Variants in IBTK observed in about 807,000 individuals in gnomAD.
The protein encoded by IBTK is BTK-binding protein.
A neutral mutation model predicts 154.9 loss-of-function variants in IBTK; 83 were observed. The observed-to-expected ratio is 0.54, with a 90% CI of 0.45 to 0.64. The LOEUF is 0.64. IBTK is among the 30% of genes least tolerant of loss of function. IBTK has a pLI of 0.00. For synonymous variants in IBTK, 515 were observed against 536.1 expected, an observed-to-expected ratio of 0.96 and a Z score of 0.54; for missense variants, 1,332 against 1,584.6, an observed-to-expected ratio of 0.84 and a Z score of 2.71.
intron 23 of IBTK, among the ~76,000 whole-genome samples, chr6:82,193,832 C>T (rs184312212): frequency 6.6e-6 from 1 of 152,146 alleles, no homozygotes; most frequent in Non-Finnish European, 1.5e-5. Context: ...CAAGTGCGTA[C>T]CACCACGCCT....
intron 26 of IBTK, 25 bp downstream of exon 26, chr6:82,181,854 A>T (rs758181381): frequency 6.9e-7 from 1 of 1,459,070 alleles, no homozygotes; most frequent in African/African-American, 1.4e-5. Context: ...TAGAAAATGT[A>T]TTAGTTTTAA....
In IBTK at chr6:82,231,853, A is replaced by T; in HGVS notation, c.419-11T>A. ...AAACATCTGTAGGATCTAAAATAAA[A>T]ATTAGTTTTTATACTTTTTTATATT... is the stretch of plus-strand genomic sequence containing the variant. On this transcript the variant is annotated splice_polypyrimidine_tract_variant and intron_variant, in intron 3 of 28. Coordinates refer to ENST00000306270, the MANE Select transcript of IBTK (RefSeq NM_015525.4). The T allele has an allele frequency of 6.6e-7, 1 of 1,505,866 alleles. No individual in the cohort carries two copies. Among genetic ancestry groups the T allele is most frequent in the Non-Finnish European group, 9.0e-7 (1 of 1,111,594 alleles). The allele number at this position is 1,505,866 out of a possible 1,614,324, so 93.3% of individuals were successfully genotyped here. A position where few individuals can be genotyped will look rare whatever the true frequency, so the allele number is the denominator to read the frequency against.
chr6:82,189,663 G>A (rs117616264), intron 25 of IBTK, among the ~76,000 whole-genome samples: 2,511 of 152,110 alleles, frequency 0.017, 27 homozygotes, highest in Non-Finnish European at 0.024. Flanking sequence ...GAAAAGACCC[G>A]GTTCAGATCA....
chr6:82,233,591 A>G (rs556272268), intron 3 of IBTK, among the ~76,000 whole-genome samples: 2 of 152,284 alleles, frequency 1.3e-5, no homozygotes, highest in African/African-American at 4.8e-5. Flanking sequence ...AACATATACC[A>G]AAGTAAAATT....
In IBTK at chr6:82,191,235, A is replaced by T; in HGVS notation, c.3432-19T>A. 6.3e-7 allele frequency: 1 copy of T among 1,590,076 alleles called. No homozygotes were observed. ...TGTTTTGCTAGAAATTAAACCAATTAGTTTCAGTGGTTTCTTCTGACAAAG... is the reference window on the plus strand; with the variant it reads ...TGTTTTGCTAGAAATTAAACCAATTTGTTTCAGTGGTTTCTTCTGACAAAG... On this transcript the variant is annotated intron_variant, in intron 24 of 28. Coordinates refer to ENST00000306270, the MANE Select transcript of IBTK (RefSeq NM_015525.4).
chr6:82,175,046 T>C (rs530912130), intron 26 of IBTK: 2 of 455,788 alleles, frequency 4.4e-6, no homozygotes, highest in Non-Finnish European at 4.4e-6. Context: ...TATTATTGTT[T>C]ACATGTCAAT....
chr6:82,240,987 G>A (rs1187890919), intron 1 of IBTK, 144 bp from the exon 2 acceptor site: 11 of 394,508 alleles, frequency 2.8e-5, no homozygotes, highest in Admixed American at 1.3e-4. Flanking sequence ...CTAAGCTTAC[G>A]GGAGTTATTT....
intron 1 of IBTK, among the ~76,000 whole-genome samples, chr6:82,246,935 C>T (rs879241663): frequency 6.6e-6 from 1 of 152,236 alleles, no homozygotes. Flanking sequence ...GTTTTATGAA[C>T]TACGTTGGAA....
At chr6:82,197,875 AC>A (rs1422565650) in intron 21 of IBTK, among the ~76,000 whole-genome samples, 1 of 152,078 alleles carries the variant, frequency 6.6e-6, no homozygotes, top group East Asian at 1.9e-4. Flanking sequence ...CTTTTACGCA[AC>A]TGTCTTTGAT....
At chr6:82,184,057 C>T (rs1335194258) in intron 25 of IBTK, among the ~76,000 whole-genome samples, 1 of 152,178 alleles carries the variant, frequency 6.6e-6, no homozygotes, top group African/African-American at 2.4e-5. Context: ...GTTACAGCAG[C>T]ACAAAATGAA....
intron 6 of IBTK, among the ~76,000 whole-genome samples, chr6:82,225,167 AG>A (rs1770247286): frequency 6.6e-6 from 1 of 150,486 alleles, no homozygotes; most frequent in African/African-American, 2.4e-5. Context: ...AAAATTAGCC[AG>A]GCATGGTGGT....
rs1428043262 is a variant in IBTK, at chr6:82,170,470, A to G, written c.*955T>C. 1.3e-5 allele frequency: 2 copies of G among 152,208 alleles called. No homozygotes were observed. The highest frequency in any genetic ancestry group is 4.8e-5 in the African/African-American group (2 of 41,454). The allele number at this position is 152,208 out of a possible 1,614,324, so 9.4% of individuals were successfully genotyped here. ...TAACATTTGTTTTTGCAAAATTTAA[A>G]CACTCAGAAACAAACCAAACAACAT... is the stretch of plus-strand genomic sequence containing the variant. On this transcript the variant is annotated 3_prime_UTR_variant, in exon 29 of 29. Coordinates refer to ENST00000306270, the MANE Select transcript of IBTK (RefSeq NM_015525.4).
intron 26 of IBTK, 128 bp from the exon 27 acceptor site, chr6:82,173,566 G>T: frequency 1.8e-6 from 1 of 567,978 alleles, no homozygotes; most frequent in Non-Finnish European, 3.1e-6. Context: ...GTGCAGTCAA[G>T]CTTACCTTTA....
At chr6:82,235,840 T>C (rs1770694780) in intron 2 of IBTK, among the ~76,000 whole-genome samples, 2 of 152,124 alleles carry the variant, frequency 1.3e-5, no homozygotes. Flanking sequence ...TTATCAAGCA[T>C]GTTCCTATTT....
chr6:82,240,113 A>C, intron 2 of IBTK, 53 bp downstream of exon 2: 1 of 1,465,478 alleles, frequency 6.8e-7, no homozygotes, highest in South Asian at 1.3e-5. Flanking sequence ...GAAAATGATT[A>C]AGAAAAACAT....
chr6:82,196,558 T>C (rs1224412608), intron 21 of IBTK, 112 bp from the exon 22 acceptor site: 3 of 495,510 alleles, frequency 6.1e-6, no homozygotes, highest in Non-Finnish European at 9.8e-6. Context: ...TTAATAACAT[T>C]CAAATTATAT....
In IBTK at chr6:82,206,840, G is replaced by A. The variant is rs1406120763; in HGVS notation, c.2510-1882C>T. On this transcript the variant is annotated intron_variant, in intron 16 of 28. Transcript: ENST00000306270. ...CAAAAATAAAGTATAATAAACACAC[G>A]GCCATCTTAAGAAACAGAAAAACAT... 4.6e-5 allele frequency among the ~76,000 whole-genome samples: 7 copies of A among 151,708 alleles called. No individual in the cohort carries two copies. In the South Asian group the frequency reaches 1.0e-3, roughly 23 times the overall value.
Position 82,218,030 on chromosome 6 carries a change from A to C in IBTK, c.1356T>G (p.Phe452Leu). Residue 452 changes from phenylalanine to leucine, a missense_variant, in exon 10 of 29, where the codon TTT becomes TTG. Coordinates refer to ENST00000306270, the MANE Select transcript of IBTK (RefSeq NM_015525.4). ...TAAATCCTTCTCCATCTTGCGTAAC[A>C]AATAGAATTTCATTTCTATTTAAAG... The part of the protein sequence containing the change: ...DIALNRNEIL[F>L]VTQDGEGFRG... 6.2e-7 allele frequency: 1 copy of C among 1,612,626 alleles called. No individual in the cohort carries two copies. The highest frequency in any genetic ancestry group is 8.5e-7 in the Non-Finnish European group (1 of 1,179,270).
intron 25 of IBTK, among the ~76,000 whole-genome samples, chr6:82,188,847 T>C (rs575800876): frequency 1.2e-4 from 18 of 152,086 alleles, no homozygotes; most frequent in Non-Finnish European, 2.1e-4. Flanking sequence ...CTTGCCAACA[T>C]GGTGAAACCA....
Sources: gnomAD v4.1 joint callset for allele counts (sites outside exome capture counted in the v4.1 genomes callset) on GRCh38, gnomAD v4.1.1 for gene constraint, MANE v1.5 for transcripts, NCBI Gene and HGNC (gene_info 2026-07-23, HGNC 2026-07-21) for gene names.